Variants in PRAMEF12 observed in about 807,000 individuals in gnomAD.
PRAMEF12 encodes the protein PRAME family member 12.
A neutral mutation model predicts 24.6 loss-of-function variants in PRAMEF12; 24 were observed. The ratio of observed to expected loss-of-function variants is 0.98; its 90% CI spans 0.71 to 1.37. The LOEUF is 1.37. Ranked by LOEUF, PRAMEF12 falls within the 40% of genes most tolerant of loss-of-function variation. PRAMEF12 has a pLI of 0.00. For missense variants in PRAMEF12, 646 were observed against 580.3 expected, an observed-to-expected ratio of 1.11 and a Z score of -1.16; for synonymous variants, 286 against 242.6, an observed-to-expected ratio of 1.18 and a Z score of -1.66.
At chr1:12,776,185 A>G in intron 2 of PRAMEF12, 67 bp downstream of exon 2, 3 of 1,499,658 alleles carry the variant, frequency 2.0e-6, no homozygotes, top group African/African-American at 1.4e-5. Flanking sequence ...TGTAAACACC[A>G]GGGGGTATCT....
chr1:12,777,162 C>T lies in PRAMEF12; in HGVS notation c.1015C>T (p.Leu339Phe), dbSNP rs746525078. 2.5e-6 allele frequency: 4 copies of T among 1,613,664 alleles called. No homozygotes were observed. In the African/African-American group the frequency reaches 4.0e-5, roughly 16 times the overall value. Residue 339 changes from leucine to phenylalanine, a missense_variant, in exon 3 of 3, where the codon CTC becomes TTC. By Grantham distance (22) the Leu-to-Phe change is conservative. Coordinates refer to ENST00000357726, the MANE Select transcript of PRAMEF12 (RefSeq NM_001080830.5). ...ITLTHFSPEP[L>F]SVLLEQAEAT... The stretch of plus-strand genomic sequence containing the variant: ...ACTGACCCATTTCAGTCCTGAGCCC[C>T]TCTCAGTTCTGCTGGAGCAAGCTGA...
chr1:12,777,046 C>T lies in PRAMEF12; in HGVS notation c.899C>T (p.Thr300Ile). 1.2e-6 allele frequency: 2 copies of T among 1,613,860 alleles called. No homozygotes were observed. Among genetic ancestry groups the T allele is most frequent in the Middle Eastern group, 1.7e-4 (1 of 6,048 alleles). ...LQAPLETVVM[T>I]ECLLSESDLK... is the part of the protein sequence containing the mutation. ...GCCCCCTTGGAGACAGTCGTAATGA[C>T]CGAATGCCTGCTGTCAGAGTCGGAC... The change falls in exon 3 of 3, where the codon ACC (threonine) becomes ATC (isoleucine). Residue 300 changes from threonine (T) to isoleucine (I), a missense_variant. Coordinates refer to ENST00000357726, the MANE Select transcript of PRAMEF12 (RefSeq NM_001080830.5).
In PRAMEF12 at chr1:12,777,239, A is replaced by C; in HGVS notation, c.1092A>C (p.Gln364His). Residue 364 changes from glutamine to histidine, a missense_variant, in exon 3 of 3, where the codon CAA becomes CAC. By Grantham distance (24) the Gln-to-His change is conservative. Transcript: ENST00000357726. ...AGGACTGTGGGATCGTGGATTCCCAACTCAGCGCCATCCTGCCTGCCCTGA... is the reference window on the plus strand; with the variant it reads ...AGGACTGTGGGATCGTGGATTCCCACCTCAGCGCCATCCTGCCTGCCCTGA... Reference protein sequence around the residue: ...DLEDCGIVDSQLSAILPALSR... With the variant: ...DLEDCGIVDSHLSAILPALSR... 1 of 1,612,324 alleles carries C rather than the reference A, an allele frequency of 6.2e-7. No individual in the cohort carries two copies.
rs1360128422 is a variant in PRAMEF12, at chr1:12,773,992, G to A, written c.-876G>A. Among the ~76,000 whole-genome samples the A allele has an allele frequency of 6.6e-6, 1 of 151,936 alleles. No individual in the cohort carries two copies. Among genetic ancestry groups the A allele is most frequent in the Non-Finnish European group, 1.5e-5 (1 of 67,976 alleles). ...AGTTTTGTCTTCATCCCCCAAAATT[G>A]GATTTGTGCTTGGTTTTTGTCATTT... On this transcript the variant is annotated 5_prime_UTR_variant, in exon 1 of 3. The change creates a premature stop within an existing upstream ORF in the 5' untranslated region. Coordinates refer to ENST00000357726, the MANE Select transcript of PRAMEF12 (RefSeq NM_001080830.5).
Position 12,775,067 on chromosome 1 carries a change from G to T in PRAMEF12, c.200G>T (p.Gly67Val). The T allele has an allele frequency of 3.1e-6, 5 of 1,614,138 alleles. No homozygotes were observed. Among genetic ancestry groups the T allele is most frequent in the South Asian group, 1.1e-5 (1 of 91,084 alleles). Residue 67 changes from glycine (G) to valine (V), a missense_variant, in exon 1 of 3, where the codon GGG (glycine) becomes GTG (valine). Transcript: ENST00000357726. ...QAWPFTCLPL[G>V]SLMKSCNLEI... is the part of the protein sequence containing the mutation. Reference sequence around the variant, plus strand: ...TGGCCCTTCACCTGCCTTCCTCTAGGGTCCCTGATGAAGTCATGTAATCTA... The same window carrying T: ...TGGCCCTTCACCTGCCTTCCTCTAGTGTCCCTGATGAAGTCATGTAATCTA...
In PRAMEF12 at chr1:12,777,494, T is replaced by G; in HGVS notation, c.1347T>G (p.Ile449Met). The G allele has an allele frequency of 6.2e-7, 1 of 1,614,076 alleles. No homozygotes were observed. The highest frequency in any genetic ancestry group is 8.5e-7 in the Non-Finnish European group (1 of 1,180,006). The change falls in exon 3 of 3, where the codon ATT becomes ATG. Residue 449 changes from isoleucine (I) to methionine (M), a missense_variant. Coordinates refer to ENST00000357726, the MANE Select transcript of PRAMEF12 (RefSeq NM_001080830.5). Reference protein sequence around the residue: ...TLRDLRQPKIIVFSTVPCPRC... With the variant: ...TLRDLRQPKIMVFSTVPCPRC... ...GGGACTTAAGGCAGCCCAAGATAAT[T>G]GTGTTCAGCACTGTCCCCTGCCCTC...
Position 12,774,832 on chromosome 1 carries a change from C to T in PRAMEF12, c.-36C>T, listed in dbSNP as rs376095298. 1.4e-4 allele frequency: 210 copies of T among 1,545,586 alleles called. No homozygotes were observed. Among genetic ancestry groups the T allele is most frequent in the Middle Eastern group, 2.1e-4 (1 of 4,684 alleles). The stretch of plus-strand genomic sequence containing the variant: ...GAGATGATGAAGTGATGTGATTTGC[C>T]GTAAGAATGATGTTTTTTTCTCTAG... On this transcript the variant is annotated 5_prime_UTR_variant, in exon 1 of 3. Transcript: ENST00000357726.
At position 12,777,131 on chromosome 1, in the gene PRAMEF12, C is replaced by A. The variant is rs766634735; in HGVS notation, c.984C>A (p.Gly328=). ...IRQLKELDLR[G]ITLTHFSPEP... ...AGCTAAAAGAGCTAGACCTGAGGGG[C>A]ATCACACTGACCCATTTCAGTCCTG... The change falls in exon 3 of 3, where the codon GGC becomes GGA. Residue 328 remains glycine (G), a synonymous_variant. Coordinates refer to ENST00000357726, the MANE Select transcript of PRAMEF12 (RefSeq NM_001080830.5). 2.5e-6 allele frequency: 4 copies of A among 1,613,856 alleles called. No homozygotes were observed. Among genetic ancestry groups the A allele is most frequent in the East Asian group, 2.2e-5 (1 of 44,868 alleles).
rs762981806 is a variant in PRAMEF12 at position 12,775,839 on chromosome 1, A to G, written c.584A>G (p.Glu195Gly). Residue 195 changes from glutamate (E) to glycine (G), a missense_variant, in exon 2 of 3, where the codon GAG becomes GGG. Transcript: ENST00000357726. ...GGAATAGCCATCCACAGGATCATAG[A>G]GGTCCTGAACACGGTGGAGCTAGAC... ...IFGIAIHRIIEVLNTVELDCI... is the reference protein window; with the variant it reads ...IFGIAIHRIIGVLNTVELDCI... 6.2e-7 allele frequency: 1 copy of G among 1,614,058 alleles called. No homozygotes were observed. Among genetic ancestry groups the G allele is most frequent in the Non-Finnish European group, 8.5e-7 (1 of 1,180,012 alleles).
Position 12,775,103 on chromosome 1 carries a change from G to C in PRAMEF12, c.236G>C (p.Arg79Pro). Residue 79 changes from arginine to proline, a missense_variant, in exon 1 of 3, where the codon CGA (arginine) becomes CCA (proline). Physicochemically the swap from Arg to Pro is moderately radical, Grantham distance 103. Transcript: ENST00000357726. ...AAGTCATGTAATCTAGAGATCTTTC[G>C]AGCTGTGCTGGAGGGGCTTGATGCA... is the stretch of plus-strand genomic sequence containing the variant. ...LMKSCNLEIF[R>P]AVLEGLDALL... 1 of 1,614,046 alleles carries C rather than the reference G, an allele frequency of 6.2e-7. No homozygotes were observed.
chr1:12,777,137 A>G lies in PRAMEF12; in HGVS notation c.990A>G (p.Thr330=). Reference sequence around the variant, plus strand: ...AAGAGCTAGACCTGAGGGGCATCACACTGACCCATTTCAGTCCTGAGCCCC... The same window carrying G: ...AAGAGCTAGACCTGAGGGGCATCACGCTGACCCATTTCAGTCCTGAGCCCC... ...QLKELDLRGI[T]LTHFSPEPLS... The change falls in exon 3 of 3, where the codon ACA becomes ACG. Residue 330 remains threonine (T), a synonymous_variant. Coordinates refer to ENST00000357726, the MANE Select transcript of PRAMEF12 (RefSeq NM_001080830.5). 2 of 1,613,916 alleles carry G rather than the reference A, an allele frequency of 1.2e-6. No homozygotes were observed. Among genetic ancestry groups the G allele is most frequent in the South Asian group, 2.2e-5 (2 of 91,068 alleles).
rs769521671 is a variant in PRAMEF12, at chr1:12,775,654, A to G, written c.399A>G (p.Ala133=). The G allele has an allele frequency of 1.2e-5, 20 of 1,613,896 alleles. No homozygotes were observed. Among genetic ancestry groups the G allele is most frequent in the Non-Finnish European group, 1.7e-5 (20 of 1,180,006 alleles). Residue 133 remains alanine, a synonymous_variant, in exon 2 of 3, where the codon GCA becomes GCG. Transcript: ENST00000357726. ...SPEALSKRRT[A]GNCPRPGGQQ... is the part of the protein sequence containing the mutation. ...AGGCCCTGAGTAAGAGACGAACAGC[A>G]GGGAACTGTCCAAGGCCGGGTGGGC...
In PRAMEF12 at chr1:12,777,100, T is replaced by C; in HGVS notation, c.953T>C (p.Ile318Thr). The change falls in exon 3 of 3, where the codon ATC becomes ACC. Residue 318 changes from isoleucine (I) to threonine (T), a missense_variant. Transcript: ENST00000357726. Reference protein sequence around the residue: ...DLKHLSWCPSIRQLKELDLRG... With the variant: ...DLKHLSWCPSTRQLKELDLRG... ...AAGCATCTCTCTTGGTGCCCGAGCA[T>C]CCGTCAGCTAAAAGAGCTAGACCTG... The C allele has an allele frequency of 6.2e-7, 1 of 1,613,882 alleles. No individual in the cohort carries two copies. Among genetic ancestry groups the C allele is most frequent in the African/African-American group, 1.3e-5 (1 of 74,940 alleles).
intron 2 of PRAMEF12, 21 bp from the exon 3 acceptor site, chr1:12,776,990 C>T: frequency 1.9e-6 from 3 of 1,602,112 alleles, no homozygotes; most frequent in Non-Finnish European, 2.6e-6. Flanking sequence ...TCTCCTCTAA[C>T]TCCTTCTTGT....
In PRAMEF12 at chr1:12,775,962, T is replaced by A. The variant is rs749795745; in HGVS notation, c.707T>A (p.Val236Asp). ...LGQMRNLRKL[V>D]LFNIHVSACI... ...CAGATGAGGAATCTCCGCAAACTTG[T>A]TCTCTTCAACATCCATGTCTCTGCC... Residue 236 changes from valine to aspartate, a missense_variant, in exon 2 of 3, where the codon GTT becomes GAT. Physicochemically the swap from Val to Asp is radical, Grantham distance 152. Transcript: ENST00000357726. The A allele has an allele frequency of 1.1e-5, 18 of 1,614,038 alleles. No homozygotes were observed. In the East Asian group the frequency reaches 3.8e-4, roughly 34 times the overall value.
rs776196237 is a variant in PRAMEF12 at position 12,775,200 on chromosome 1, G to C, written c.287+46G>C. The C allele has an allele frequency of 1.4e-5, 22 of 1,566,290 alleles. No homozygotes were observed. The South Asian group carries it at 2.4e-4, about 17-fold the overall frequency. ...AGGTGGGGAGGGCTCAGGCATCCAG[G>C]GTAGGGTTAGCTGGGTCAGAAGGAG... On this transcript the variant is annotated intron_variant, in intron 1 of 2. Transcript: ENST00000357726.
At position 12,774,828 on chromosome 1, in the gene PRAMEF12, T is replaced by G; in HGVS notation, c.-40T>G. ...CTAGGAGATGATGAAGTGATGTGAT[T>G]TGCCGTAAGAATGATGTTTTTTTCT... On this transcript the variant is annotated 5_prime_UTR_variant, in exon 1 of 3. It adds an upstream start codon to the 5' untranslated region. Transcript: ENST00000357726. The G allele has an allele frequency of 6.5e-7, 1 of 1,538,366 alleles. No homozygotes were observed.
Position 12,775,785 on chromosome 1 carries a change from A to T in PRAMEF12, c.530A>T (p.His177Leu). The change falls in exon 2 of 3, where the codon CAC (histidine) becomes CTC (leucine). Residue 177 changes from histidine (H) to leucine (L), a missense_variant. Coordinates refer to ENST00000357726, the MANE Select transcript of PRAMEF12 (RefSeq NM_001080830.5). ...GGCAAGCAGAGAAAAGGCTTACTGC[A>T]CGTGTGTTGCAAGGAGCTGCAGATT... is the stretch of plus-strand genomic sequence containing the variant. ...EWGKQRKGLL[H>L]VCCKELQIFG... is the part of the protein sequence containing the mutation. 1.9e-6 allele frequency: 3 copies of T among 1,613,858 alleles called. No homozygotes were observed. Among genetic ancestry groups the T allele is most frequent in the Non-Finnish European group, 2.5e-6 (3 of 1,179,978 alleles).
In PRAMEF12 at chr1:12,774,222, G is replaced by A. The variant is rs147246299; in HGVS notation, c.-646G>A. 6.6e-5 allele frequency among the ~76,000 whole-genome samples: 10 copies of A among 152,216 alleles called. No homozygotes were observed. The highest frequency in any genetic ancestry group is 2.4e-4 in the African/African-American group (10 of 41,520). On this transcript the variant is annotated 5_prime_UTR_variant, in exon 1 of 3. In the 5' UTR this introduces an upstream ATG that the reference lacks. Coordinates refer to ENST00000357726, the MANE Select transcript of PRAMEF12 (RefSeq NM_001080830.5). ...GATATTCCATAGGCCATTCTCAAGAGTGGAGTCTTTGTTCTGAACATGGGA... is the reference window on the plus strand; with the variant it reads ...GATATTCCATAGGCCATTCTCAAGAATGGAGTCTTTGTTCTGAACATGGGA...
Sources: allele counts gnomAD v4.1 joint callset (sites outside exome capture counted in the v4.1 genomes callset), GRCh38; gene constraint gnomAD v4.1.1; transcripts MANE v1.5; gene names NCBI Gene and HGNC (gene_info 2026-07-23, HGNC 2026-07-21).